Variants in SSC4D observed in about 807,000 individuals in gnomAD.
The protein encoded by SSC4D is scavenger receptor cysteine rich family member with 4 domains.
A neutral mutation model predicts 63.4 loss-of-function variants in SSC4D; 57 were observed. That is an observed-to-expected ratio of 0.90 (90% CI 0.73 to 1.12). SSC4D has a LOEUF of 1.12. SSC4D is among the 50% of genes most tolerant of loss of function. The pLI, the probability that SSC4D is intolerant of heterozygous loss-of-function variation, is 0.00. For missense variants in SSC4D, 791 were observed against 806.4 expected (o/e 0.98, Z 0.23); for synonymous variants, 352 against 345.4 (o/e 1.02, Z -0.21).
chr7:76,406,008 T>C (rs550486640), intron 1 of SSC4D, among the ~76,000 whole-genome samples: 1 of 151,862 alleles, frequency 6.6e-6, no homozygotes, highest in South Asian at 2.1e-4. Context: ...CTTTCTTTGA[T>C]GGAGTCTCGC....
intron 7 of SSC4D, 72 bp downstream of exon 7, chr7:76,395,181 A>G: frequency 6.4e-7 from 1 of 1,569,704 alleles, no homozygotes; most frequent in Non-Finnish European, 8.8e-7. Context: ...GTGAATCCAG[A>G]ACATTCTTCC....
rs1805115205 is a variant in SSC4D, at chr7:76,408,328, C to T, written c.-67+1086G>A. ...GGACAGCCCCCAGTGGAATAATCAC[C>T]TTTTGTCCTCCTTCTGCCTGGACTG... On this transcript the variant is annotated intron_variant, in intron 1 of 10. Coordinates refer to ENST00000275560, the MANE Select transcript of SSC4D (RefSeq NM_080744.2). Among the ~76,000 whole-genome samples the T allele has an allele frequency of 2.0e-5, 3 of 152,246 alleles. No homozygotes were observed. In the South Asian group the frequency reaches 6.2e-4, roughly 32 times the overall value.
chr7:76,391,381 C>T (rs1420646740), intron 10 of SSC4D, among the ~76,000 whole-genome samples: 4 of 148,758 alleles, frequency 2.7e-5, no homozygotes, highest in Non-Finnish European at 6.0e-5. Flanking sequence ...GTGGAGGTTG[C>T]GCCACTGCAC....
At chr7:76,398,307 C>CTTTTTTT (rs1309414426) in intron 5 of SSC4D, among the ~76,000 whole-genome samples, 3 of 132,776 alleles carry the variant, frequency 2.3e-5, no homozygotes, top group Non-Finnish European at 3.2e-5. Flanking sequence ...CATTCATTTT[C>CTTTTTTT]TATTTTTTTT....
At chr7:76,393,989 C>A in intron 7 of SSC4D, 85 bp from the exon 8 acceptor site, 1 of 1,378,492 alleles carries the variant, frequency 7.3e-7, no homozygotes, top group South Asian at 1.3e-5. Flanking sequence ...CCTACCAAGA[C>A]CCCCAACCCT....
rs1233414804 is a variant in SSC4D, at chr7:76,404,261, A to T, written c.133+46T>A. ...TATAAAGTTACAGCTGGGACAACTG[A>T]GATTCAGAAAGAGGAAGTGGCAAGG... On this transcript the variant is annotated intron_variant, in intron 2 of 10. Coordinates refer to ENST00000275560, the MANE Select transcript of SSC4D (RefSeq NM_080744.2). 3 of 1,496,376 alleles carry T rather than the reference A, an allele frequency of 2.0e-6. No individual in the cohort carries two copies. In the South Asian group the frequency reaches 4.1e-5, roughly 20 times the overall value. 92.7% of individuals were successfully genotyped at this position (1,496,376 alleles called of 1,614,324 possible). A position where few individuals can be genotyped will look rare whatever the true frequency, so the allele number is the denominator to read the frequency against.
intron 1 of SSC4D, among the ~76,000 whole-genome samples, chr7:76,409,132 C>A (rs1805146761): frequency 6.6e-6 from 1 of 151,980 alleles, no homozygotes; most frequent in Non-Finnish European, 1.5e-5. Flanking sequence ...GGGTGGAAAC[C>A]AGATCTCATT....
chr7:76,393,172 C>A (rs190231088), intron 9 of SSC4D, among the ~76,000 whole-genome samples: 2 of 152,002 alleles, frequency 1.3e-5, no homozygotes, highest in Admixed American at 6.5e-5. Flanking sequence ...CTGCACCACG[C>A]GGCGCTCACC....
At chr7:76,394,359 C>T (rs755410985) in intron 7 of SSC4D, among the ~76,000 whole-genome samples, 2 of 151,936 alleles carry the variant, frequency 1.3e-5, no homozygotes, top group African/African-American at 2.4e-5. Context: ...ATCCTCCTGC[C>T]TCGGTATTCC....
At chr7:76,400,963 C>G in intron 3 of SSC4D, 45 bp downstream of exon 3, 1 of 1,550,894 alleles carries the variant, frequency 6.4e-7, no homozygotes, top group Non-Finnish European at 8.7e-7. Context: ...GCTGGAGTAC[C>G]TGGCGGACAG....
At chr7:76,397,962 G>T in intron 5 of SSC4D, 130 bp from the exon 6 acceptor site, 2 of 957,916 alleles carry the variant, frequency 2.1e-6, no homozygotes, top group Non-Finnish European at 3.0e-6. Flanking sequence ...CCAGGGTACC[G>T]CCTCCTTGGT....
intron 1 of SSC4D, among the ~76,000 whole-genome samples, chr7:76,407,767 A>C (rs1422819896): frequency 6.6e-6 from 1 of 152,158 alleles, no homozygotes; most frequent in Non-Finnish European, 1.5e-5. Context: ...ATAAACCATG[A>C]GCTTAGAGCT....
chr7:76,393,987 G>T, intron 7 of SSC4D, 83 bp from the exon 8 acceptor site: 1 of 1,403,176 alleles, frequency 7.1e-7, no homozygotes, highest in Non-Finnish European at 9.8e-7. Flanking sequence ...CGCCTACCAA[G>T]ACCCCCAACC....
At chr7:76,408,475 C>A (rs143050867) in intron 1 of SSC4D, among the ~76,000 whole-genome samples, 63 of 152,226 alleles carry the variant, frequency 4.1e-4, no homozygotes, top group Admixed American at 2.2e-3. Flanking sequence ...GCCTCAGTGC[C>A]ACCCACTTCT....
chr7:76,395,432 A>G (rs2115754321), intron 6 of SSC4D, 102 bp from the exon 7 acceptor site: 1 of 1,207,824 alleles, frequency 8.3e-7, no homozygotes, highest in Non-Finnish European at 1.2e-6. Flanking sequence ...TGGAGGAGAG[A>G]ATAGATGTTA....
rs774503879 is a variant in SSC4D, at chr7:76,393,596, G to A, written c.1142C>T (p.Ala381Val). 3 of 1,506,088 alleles carry A rather than the reference G, an allele frequency of 2.0e-6. No individual in the cohort carries two copies. The Admixed American group carries it at 6.3e-5, about 31-fold the overall frequency. The allele number at this position is 1,506,088 out of a possible 1,614,324, so 93.3% of individuals were successfully genotyped here. ...AGGCCCGCAGCCCGCTTCGCGGCAGGCCACGCGCGCGTCCGCAAAGTCCCA... is the reference window on the plus strand; with the variant it reads ...AGGCCCGCAGCCCGCTTCGCGGCAGACCACGCGCGCGTCCGCAAAGTCCCA... ...DDWDFADARV[A>V]CREAGCGPAL... Residue 381 changes from alanine (A) to valine (V), a missense_variant, in exon 9 of 11, where the codon GCC becomes GTC. Ala to Val is a moderately conservative substitution (Grantham distance 64). Coordinates refer to ENST00000275560, the MANE Select transcript of SSC4D (RefSeq NM_080744.2).
chr7:76,406,929 A>G (rs1805053647), intron 1 of SSC4D, among the ~76,000 whole-genome samples: 1 of 151,704 alleles, frequency 6.6e-6, no homozygotes, highest in South Asian at 2.1e-4. Flanking sequence ...TTCTCATTTT[A>G]TTGGCACATT....
At chr7:76,403,219 T>C (rs984757104) in intron 2 of SSC4D, among the ~76,000 whole-genome samples, 1 of 152,130 alleles carries the variant, frequency 6.6e-6, no homozygotes, top group African/African-American at 2.4e-5. Flanking sequence ...CCAGGCAAAA[T>C]GGAAAGCCGG....
chr7:76,397,148 G>A (rs534044099), intron 6 of SSC4D, among the ~76,000 whole-genome samples: 1 of 151,996 alleles, frequency 6.6e-6, no homozygotes, highest in African/African-American at 2.4e-5. Context: ...AGTGGCGTCA[G>A]CTCGGCTCAC....
Sources: allele counts gnomAD v4.1 joint callset (sites outside exome capture counted in the v4.1 genomes callset), GRCh38; gene constraint gnomAD v4.1.1; transcripts MANE v1.5; gene names NCBI Gene and HGNC (gene_info 2026-07-23, HGNC 2026-07-21).